Variants in EFCAB3 observed in about 807,000 individuals in gnomAD.
EFCAB3 encodes the protein EF-hand calcium binding domain 3.
EFCAB3 carries 36 observed loss-of-function variants against 42.2 expected under a neutral mutation model. That is an observed-to-expected ratio of 0.85 (90% CI 0.65 to 1.13). EFCAB3 has a LOEUF of 1.13. EFCAB3 is among the 50% of genes most tolerant of loss of function. EFCAB3 has a pLI of 0.00. For synonymous variants in EFCAB3, 170 were observed against 172.8 expected (o/e 0.98, Z 0.13); for missense variants, 418 against 505.1 (o/e 0.83, Z 1.65).
chr17:62,415,053 A>T (rs2070533247), intron 9 of EFCAB3, among the ~76,000 whole-genome samples: 1 of 152,056 alleles, frequency 6.6e-6, no homozygotes, highest in African/African-American at 2.4e-5. Context: ...GTGATGAGCC[A>T]AGATCGTACT....
chr17:62,413,816 A>G lies in EFCAB3; in HGVS notation c.952A>G (p.Thr318Ala). ...TIDQMLKKKQ[T>A]CTVADATAIK... ...TGATCAAATGCTCAAGAAAAAGCAGACTTGTACAGTGGCCGATGCAACTGC... is the reference window on the plus strand; with the variant it reads ...TGATCAAATGCTCAAGAAAAAGCAGGCTTGTACAGTGGCCGATGCAACTGC... Residue 318 changes from threonine to alanine, a missense_variant, in exon 9 of 10, where the codon ACT becomes GCT. Physicochemically the swap from Thr to Ala is moderately conservative, Grantham distance 58. Coordinates refer to ENST00000305286, the MANE Select transcript of EFCAB3 (RefSeq NM_173503.4). 6.2e-7 allele frequency: 1 copy of G among 1,613,544 alleles called. No homozygotes were observed. Among genetic ancestry groups the G allele is most frequent in the African/African-American group, 1.3e-5 (1 of 75,044 alleles).
At chr17:62,411,251 T>C (rs1342416687) in intron 8 of EFCAB3, among the ~76,000 whole-genome samples, 1 of 152,208 alleles carries the variant, frequency 6.6e-6, no homozygotes, top group African/African-American at 2.4e-5. Context: ...AGGAGTATCA[T>C]AATTTGATAT....
At chr17:62,411,266 G>A (rs368988443) in intron 8 of EFCAB3, among the ~76,000 whole-genome samples, 2 of 152,190 alleles carry the variant, frequency 1.3e-5, no homozygotes, top group Admixed American at 6.5e-5. Context: ...TGATATAGCA[G>A]ATCTTTAAAA....
chr17:62,399,128 T>A (rs2070379425), intron 6 of EFCAB3, among the ~76,000 whole-genome samples: 1 of 151,952 alleles, frequency 6.6e-6, no homozygotes, highest in Admixed American at 6.6e-5. Flanking sequence ...GCAGATCATA[T>A]CACTCCTCTG....
At chr17:62,399,810 T>C (rs1482844358) in intron 6 of EFCAB3, among the ~76,000 whole-genome samples, 1 of 152,196 alleles carries the variant, frequency 6.6e-6, no homozygotes, top group Non-Finnish European at 1.5e-5. Flanking sequence ...TTCTTCATAC[T>C]ATTCATCACC....
chr17:62,376,888 A>G (rs1003940282), upstream of EFCAB3, among the ~76,000 whole-genome samples: 1 of 152,200 alleles, frequency 6.6e-6, no homozygotes, highest in African/African-American at 2.4e-5. Context: ...TCTAACATAC[A>G]TTTAGAAAAA....
At chr17:62,372,186 A>G (rs2070119121) in intron 1 of EFCAB3, among the ~76,000 whole-genome samples, 1 of 152,084 alleles carries the variant, frequency 6.6e-6, no homozygotes, top group Admixed American at 6.5e-5. Context: ...CGTTGCAAAC[A>G]TATCTCCATG....
At chr17:62,404,609 C>T (rs928284292) in intron 6 of EFCAB3, among the ~76,000 whole-genome samples, 7 of 152,136 alleles carry the variant, frequency 4.6e-5, no homozygotes, top group East Asian at 1.9e-4. Flanking sequence ...CCAGCCTGAC[C>T]GACATGGAGA....
rs779072065 is a variant in EFCAB3, at chr17:62,406,642, G to A, written c.651G>A (p.Lys217=). 1.1e-5 allele frequency: 18 copies of A among 1,613,854 alleles called. No homozygotes were observed. Among genetic ancestry groups the A allele is most frequent in the Non-Finnish European group, 1.4e-5 (17 of 1,179,932 alleles). ...NAARIAIMKE[K]DLFKFLEELK... Reference sequence around the variant, plus strand: ...CCCGGATTGCAATAATGAAAGAAAAGGATTTATTTAAATTTCTTGAAGAGC... The same window carrying A: ...CCCGGATTGCAATAATGAAAGAAAAAGATTTATTTAAATTTCTTGAAGAGC... The change falls in exon 7 of 10, where the codon AAG becomes AAA. Residue 217 remains lysine (K), a synonymous_variant. Transcript: ENST00000305286.
chr17:62,381,834 G>T, intron 1 of EFCAB3: 1 of 435,462 alleles, frequency 2.3e-6, no homozygotes, highest in Non-Finnish European at 4.6e-6. Context: ...AGATGTCATT[G>T]CCCAGGGTAT....
intron 6 of EFCAB3, chr17:62,398,191 C>T (rs888074739): frequency 3.1e-5 from 6 of 191,074 alleles, no homozygotes; most frequent in Non-Finnish European, 6.8e-5. Context: ...TGATGGCTCA[C>T]GTCTGTAATT....
intron 3 of EFCAB3, among the ~76,000 whole-genome samples, chr17:62,387,930 C>T (rs1356987981): frequency 1.3e-5 from 2 of 152,192 alleles, no homozygotes; most frequent in South Asian, 2.1e-4. Flanking sequence ...ACTTGCCAGG[C>T]ACGGTGGCTC....
intron 6 of EFCAB3, among the ~76,000 whole-genome samples, chr17:62,401,388 C>G (rs2070401778): frequency 6.6e-6 from 1 of 152,120 alleles, no homozygotes; most frequent in African/African-American, 2.4e-5. Context: ...AATGGTATTG[C>G]CTAGGTTTTC....
chr17:62,405,685 T>C (rs1384885254), intron 6 of EFCAB3, among the ~76,000 whole-genome samples: 1 of 152,230 alleles, frequency 6.6e-6, no homozygotes, highest in Non-Finnish European at 1.5e-5. Flanking sequence ...TGCATGTTTG[T>C]AAGTCAGATG....
intron 9 of EFCAB3, among the ~76,000 whole-genome samples, chr17:62,414,949 C>A (rs2070532253): frequency 6.6e-6 from 1 of 151,758 alleles, no homozygotes; most frequent in South Asian, 2.1e-4. Flanking sequence ...ACTAAAAATA[C>A]AAAAATTAGC....
upstream of EFCAB3, among the ~76,000 whole-genome samples, chr17:62,377,170 A>G (rs2070157516): frequency 1.3e-5 from 2 of 152,178 alleles, no homozygotes; most frequent in African/African-American, 4.8e-5. Context: ...CATAGGAAAG[A>G]TATTTCTTCT....
intron 9 of EFCAB3, 54 bp from the exon 10 acceptor site, chr17:62,415,949 C>T: frequency 7.1e-7 from 1 of 1,417,286 alleles, no homozygotes; most frequent in Non-Finnish European, 9.6e-7. Context: ...TTGTGGTCCA[C>T]AAATCAAAGC....
At chr17:62,391,071 G>A (rs779657400) in intron 3 of EFCAB3, among the ~76,000 whole-genome samples, 9 of 152,074 alleles carry the variant, frequency 5.9e-5, no homozygotes, top group Non-Finnish European at 1.5e-5. Context: ...AAACATAACA[G>A]CTTAAAACAA....
upstream of EFCAB3, among the ~76,000 whole-genome samples, chr17:62,378,648 C>A (rs2070168864): frequency 6.6e-6 from 1 of 151,872 alleles, no homozygotes; most frequent in South Asian, 2.1e-4. Flanking sequence ...TGCATTGAGC[C>A]ATCACTGCAC....
Sources: allele counts gnomAD v4.1 joint callset (sites outside exome capture counted in the v4.1 genomes callset), GRCh38; gene constraint gnomAD v4.1.1; transcripts MANE v1.5; gene names NCBI Gene and HGNC (gene_info 2026-07-23, HGNC 2026-07-21).